Variants in CSNK2A1 observed in about 807,000 individuals in gnomAD.
CSNK2A1 encodes casein kinase 2 alpha 1.
Under a neutral mutation model 62.9 loss-of-function variants are expected in CSNK2A1, and 10 were observed. The ratio of observed to expected loss-of-function variants is 0.16; its 90% CI spans 0.10 to 0.27. The LOEUF (loss-of-function observed/expected upper bound fraction) is 0.27. CSNK2A1 is among the 10% of genes least tolerant of loss of function. The pLI is 1.00. For synonymous variants in CSNK2A1, 124 were observed against 167.8 expected (o/e 0.74, Z 2.02); for missense variants, 160 against 492.0 (o/e 0.33, Z 6.38).
Position 474,270 on chromosome 20 carries a change from A to C in CSNK2A1, c.*9691T>G, listed in dbSNP as rs1315089825. 6.6e-6 allele frequency: 1 copy of C among 152,224 alleles called. No individual in the cohort carries two copies. The highest frequency in any genetic ancestry group is 2.4e-5 in the African/African-American group (1 of 41,444). The allele number at this position is 152,224 out of a possible 1,614,324, so 9.4% of individuals were successfully genotyped here. A position where few individuals can be genotyped will look rare whatever the true frequency, so the allele number is the denominator to read the frequency against. On this transcript the variant is annotated 3_prime_UTR_variant, in exon 14 of 14. Transcript: ENST00000217244. ...GGACTCGCTGTGTTACCCAGGCCTC[A>C]AGTGATCATCGGGCCTTGGCCTCCC...
chr20:530,424 A>G (rs2122639761), intron 1 of CSNK2A1, among the ~76,000 whole-genome samples: 1 of 151,884 alleles, frequency 6.6e-6, no homozygotes, highest in Non-Finnish European at 1.5e-5. Context: ...ACTATGAAAT[A>G]ATGTCGCTAG....
intron 2 of CSNK2A1, among the ~76,000 whole-genome samples, chr20:510,592 G>GTA (rs759252162): frequency 6.9e-4 from 105 of 152,120 alleles, no homozygotes; most frequent in Non-Finnish European, 6.5e-4. Flanking sequence ...GTTTACATGT[G>GTA]TATATATATA....
At chr20:505,590 C>T (rs904785642) in intron 3 of CSNK2A1, among the ~76,000 whole-genome samples, 12 of 151,582 alleles carry the variant, frequency 7.9e-5, no homozygotes, top group Non-Finnish European at 1.8e-4. Flanking sequence ...TCTCGATCTC[C>T]TGACCTCGTG....
chr20:537,764 T>C (rs912209755), intron 1 of CSNK2A1, among the ~76,000 whole-genome samples: 1 of 152,182 alleles, frequency 6.6e-6, no homozygotes, highest in African/African-American at 2.4e-5. Flanking sequence ...TTATCCAGGT[T>C]ACCCACGAAT....
At chr20:523,906 T>C (rs1260072323) in intron 2 of CSNK2A1, among the ~76,000 whole-genome samples, 1 of 134,428 alleles carries the variant, frequency 7.4e-6, no homozygotes, top group African/African-American at 2.9e-5. Flanking sequence ...AACAGAACAG[T>C]GGTTGCTAGA....
At chr20:521,715 A>G (rs2018952805) in intron 2 of CSNK2A1, among the ~76,000 whole-genome samples, 1 of 152,270 alleles carries the variant, frequency 6.6e-6, no homozygotes, top group African/African-American at 2.4e-5. Flanking sequence ...AGCAATAAAA[A>G]GGAACAAATT....
At chr20:496,775 T>C (rs575703214) in intron 7 of CSNK2A1, 3 of 152,336 alleles carry the variant, frequency 2.0e-5, no homozygotes, top group African/African-American at 4.8e-5. Context: ...AGGAAGCTGA[T>C]CTTGTGGCTA....
At chr20:505,598 G>A (rs1260167267) in intron 3 of CSNK2A1, among the ~76,000 whole-genome samples, 2 of 151,106 alleles carry the variant, frequency 1.3e-5, no homozygotes, top group Non-Finnish European at 1.5e-5. Context: ...TCCTGACCTC[G>A]TGATTCGTCC....
intron 13 of CSNK2A1, among the ~76,000 whole-genome samples, chr20:485,230 C>T (rs939719001): frequency 6.7e-6 from 1 of 148,992 alleles, no homozygotes; most frequent in African/African-American, 2.5e-5. Context: ...CTCACCCAGG[C>T]TGGAGGGCAA....
intron 13 of CSNK2A1, among the ~76,000 whole-genome samples, chr20:484,754 A>G (rs1237874907): frequency 6.6e-6 from 1 of 151,886 alleles, no homozygotes; most frequent in African/African-American, 2.4e-5. Context: ...CACATGGTTC[A>G]AAATACAAAA....
chr20:507,788 AC>A (rs1447692877), intron 3 of CSNK2A1: 1 of 152,234 alleles, frequency 6.6e-6, no homozygotes, highest in African/African-American at 2.4e-5. Context: ...CTCAAGTATC[AC>A]TTCTCACTGA....
intron 2 of CSNK2A1, among the ~76,000 whole-genome samples, chr20:520,424 C>A (rs1426872036): frequency 6.6e-6 from 1 of 152,124 alleles, no homozygotes; most frequent in Non-Finnish European, 1.5e-5. Context: ...CTCACACAAA[C>A]AAGGCCAATT....
Position 499,685 on chromosome 20 carries a change from A to C in CSNK2A1, c.315+148T>G, listed in dbSNP as rs1357346641. 1 of 720,760 alleles carries C rather than the reference A, an allele frequency of 1.4e-6. No individual in the cohort carries two copies. The highest frequency in any genetic ancestry group is 1.8e-5 in the African/African-American group (1 of 56,654). 44.6% of individuals were successfully genotyped at this position (720,760 alleles called of 1,614,324 possible). A position where few individuals can be genotyped will look rare whatever the true frequency, so the allele number is the denominator to read the frequency against. On this transcript the variant is annotated intron_variant, in intron 5 of 13. Coordinates refer to ENST00000217244, the MANE Select transcript of CSNK2A1 (RefSeq NM_177559.3). The surrounding 1 kb of genome is among the most constrained non-coding windows in gnomAD (Gnocchi z 4.2). ...GAGGTCTCTTTGAAAGAAAGACCCA[A>C]GCTAGTTAAATGGTATATCTGATTA...
chr20:537,180 GCCA>G (rs1187711802), intron 1 of CSNK2A1, among the ~76,000 whole-genome samples: 1 of 152,210 alleles, frequency 6.6e-6, no homozygotes, highest in Non-Finnish European at 1.5e-5. Flanking sequence ...GAAAAGAGCA[GCCA>G]ATATAAGGGC....
At chr20:497,457 A>G (rs2018368327) in intron 7 of CSNK2A1, among the ~76,000 whole-genome samples, 1 of 149,306 alleles carries the variant, frequency 6.7e-6, no homozygotes, top group South Asian at 2.1e-4. Context: ...GTAATTAAAC[A>G]ATTTTTTTTT....
In CSNK2A1 at chr20:477,764, G is replaced by T. The variant is rs2122473564; in HGVS notation, c.*6197C>A. On this transcript the variant is annotated 3_prime_UTR_variant, in exon 14 of 14. Coordinates refer to ENST00000217244, the MANE Select transcript of CSNK2A1 (RefSeq NM_177559.3). The stretch of plus-strand genomic sequence containing the variant: ...CCCACCACTTTGGGAGGCTTGGGCG[G>T]GCGGATCACCTGAGGTCGGGAGTTC... The T allele has an allele frequency of 6.6e-6, 1 of 152,428 alleles. No homozygotes were observed. The highest frequency in any genetic ancestry group is 1.5e-5 in the Non-Finnish European group (1 of 68,152). 9.4% of individuals were successfully genotyped at this position (152,428 alleles called of 1,614,324 possible). A position where few individuals can be genotyped will look rare whatever the true frequency, so the allele number is the denominator to read the frequency against.
At chr20:495,201 T>C (rs1161795536) in intron 8 of CSNK2A1, 1 of 153,602 alleles carries the variant, frequency 6.5e-6, no homozygotes, top group Non-Finnish European at 1.4e-5. Context: ...TCACAGCTTG[T>C]CACCTTAAAA....
At chr20:541,890 A>G (rs987977858) in intron 1 of CSNK2A1, among the ~76,000 whole-genome samples, 2 of 152,206 alleles carry the variant, frequency 1.3e-5, no homozygotes, top group African/African-American at 4.8e-5. Context: ...CAAGTATTTC[A>G]AAGTCACAGA....
intron 9 of CSNK2A1, among the ~76,000 whole-genome samples, chr20:491,030 A>G (rs560824643): frequency 1.3e-5 from 2 of 152,226 alleles, no homozygotes; most frequent in African/African-American, 4.8e-5. Flanking sequence ...TGTTTTTCAC[A>G]ATTATTAGTA....
Sources: allele counts gnomAD v4.1 joint callset (sites outside exome capture counted in the v4.1 genomes callset), GRCh38; gene constraint gnomAD v4.1.1; non-coding constraint Gnocchi (gnomAD v3.1); transcripts MANE v1.5; gene names NCBI Gene and HGNC (gene_info 2026-07-23, HGNC 2026-07-21).